EIF2AK2: variants seen among roughly 807,000 people sequenced by gnomAD.
The protein encoded by EIF2AK2 is interferon-induced, double-stranded RNA-activated protein kinase.
EIF2AK2 carries 40 observed loss-of-function variants against 70.5 expected under a neutral mutation model. The ratio of observed to expected loss-of-function variants is 0.57; its 90% CI spans 0.44 to 0.74. The LOEUF is 0.74. Ranked by LOEUF, EIF2AK2 falls within the 30% of genes least tolerant of loss-of-function variation. The pLI, the probability that EIF2AK2 is intolerant of heterozygous loss-of-function variation, is 0.00. For synonymous variants in EIF2AK2, 198 were observed against 220.9 expected, an observed-to-expected ratio of 0.90 and a Z score of 0.92; for missense variants, 555 against 644.3, an observed-to-expected ratio of 0.86 and a Z score of 1.50.
At chr2:37,147,621 T>C (rs1675600571) in intron 3 of EIF2AK2, 67 bp downstream of exon 3, 6 of 1,048,286 alleles carry the variant, frequency 5.7e-6, no homozygotes, top group Non-Finnish European at 8.6e-6. Context: ...GCTTCATCCA[T>C]GTCCCTACAA....
At chr2:37,149,180 T>A in intron 1 of EIF2AK2, 157 bp from the exon 2 acceptor site, 1 of 1,070,520 alleles carries the variant, frequency 9.3e-7, no homozygotes, top group East Asian at 2.4e-5. Flanking sequence ...AGGATGTTTC[T>A]ATGCTTGTCG....
At position 37,106,003 on chromosome 2, in the gene EIF2AK2, A is replaced by T. The variant is rs965768539; in HGVS notation, c.*1270T>A. 7 of 152,224 alleles carry T rather than the reference A, an allele frequency of 4.6e-5. No homozygotes were observed. Among genetic ancestry groups the T allele is most frequent in the Admixed American group, 3.3e-4 (5 of 15,286 alleles). 9.4% of individuals were successfully genotyped at this position (152,224 alleles called of 1,614,324 possible). On this transcript the variant is annotated 3_prime_UTR_variant, in exon 17 of 17. Transcript: ENST00000233057. The stretch of plus-strand genomic sequence containing the variant: ...AATAGATACAAAATGTATTTAAGAT[A>T]AAAGGTATAACTATGCAGCAAACAC...
intron 13 of EIF2AK2, among the ~76,000 whole-genome samples, chr2:37,119,705 C>T (rs1674468519): frequency 6.6e-6 from 1 of 151,498 alleles, no homozygotes; most frequent in Admixed American, 6.6e-5. Context: ...GAATCTCCTG[C>T]CTCAGCCTCC....
At chr2:37,138,236 G>T in intron 8 of EIF2AK2, 34 bp downstream of exon 8, 1 of 1,500,676 alleles carries the variant, frequency 6.7e-7, no homozygotes, top group Non-Finnish European at 9.1e-7. Flanking sequence ...AGAAAAATAA[G>T]ATTAAGTAGG....
At chr2:37,115,232 T>TTG (rs1553335490) in intron 13 of EIF2AK2, 4 of 201,838 alleles carry the variant, frequency 2.0e-5, no homozygotes, top group Non-Finnish European at 3.8e-5. Flanking sequence ...TTTTTTTTTT[T>TTG]TTTTTTTTTT....
At chr2:37,114,689 A>G (rs755331311) in intron 14 of EIF2AK2, 42 bp downstream of exon 14, 1 of 1,467,906 alleles carries the variant, frequency 6.8e-7, no homozygotes, top group South Asian at 1.5e-5. Flanking sequence ...AATTTTCAAA[A>G]TAAAAGAAGT....
Position 37,101,861 on chromosome 2 carries a change from CAA to C in EIF2AK2, c.*5410_*5411del, listed in dbSNP as rs1558402095. 1 of 152,056 alleles carries C rather than the reference CAA, an allele frequency of 6.6e-6. No homozygotes were observed. The highest frequency in any genetic ancestry group is 2.4e-5 in the African/African-American group (1 of 41,386). The allele number at this position is 152,056 out of a possible 1,614,324, so 9.4% of individuals were successfully genotyped here. On this transcript the variant is annotated 3_prime_UTR_variant, in exon 17 of 17. Transcript: ENST00000233057. Reference sequence around the variant, plus strand: ...AATCTTGTCAATTTTTTGAGTGTGACAATGATGCTGTGGTTTTGTTAAAAAGA... The same window carrying C: ...AATCTTGTCAATTTTTTGAGTGTGACTGATGCTGTGGTTTTGTTAAAAAGA...
chr2:37,109,127 C>CA, intron 15 of EIF2AK2, 67 bp downstream of exon 15: 1 of 1,426,994 alleles, frequency 7.0e-7, no homozygotes, highest in Non-Finnish European at 9.8e-7. Flanking sequence ...GAACTGTCTG[C>CA]AGCAGCACTC....
chr2:37,156,364 A>T (rs748795460), intron 1 of EIF2AK2, among the ~76,000 whole-genome samples: 2 of 152,114 alleles, frequency 1.3e-5, no homozygotes, highest in Non-Finnish European at 2.9e-5. Flanking sequence ...TACTTAAAGG[A>T]ACATTCCAGA....
At chr2:37,143,243 A>G in intron 4 of EIF2AK2, among the ~76,000 whole-genome samples, 1 of 148,880 alleles carries the variant, frequency 6.7e-6, no homozygotes, top group East Asian at 2.0e-4. Flanking sequence ...AAAAAAAAGA[A>G]TCAATGTTGG....
intron 1 of EIF2AK2, 72 bp from the exon 2 acceptor site, chr2:37,149,095 A>G (rs1675655484): frequency 1.1e-6 from 1 of 899,658 alleles, no homozygotes; most frequent in Non-Finnish European, 1.9e-6. Flanking sequence ...ATACCAGCGA[A>G]GACTAAGGTC....
At position 37,107,489 on chromosome 2, in the gene EIF2AK2, T is replaced by C. The variant is rs775505250; in HGVS notation, c.1518A>G (p.Ile506Met). The change falls in exon 16 of 17, where the codon ATA becomes ATG. Residue 506 changes from isoleucine to methionine, a missense_variant. Ile to Met is a conservative substitution (Grantham distance 10, BLOSUM62 1). Transcript: ENST00000233057. The part of the protein sequence containing the change: ...TDLRDGIISD[I>M]FDKKEKTLLQ... ...AAGTGCTTACTTCTTTTTTATCAAA[T>C]ATATCTGAGATGATGCCATCCCGTA... 6.2e-7 allele frequency: 1 copy of C among 1,612,598 alleles called. No homozygotes were observed. The highest frequency in any genetic ancestry group is 1.1e-5 in the South Asian group (1 of 90,726).
At chr2:37,128,812 A>G (rs1480840733) in intron 10 of EIF2AK2, among the ~76,000 whole-genome samples, 1 of 152,188 alleles carries the variant, frequency 6.6e-6, no homozygotes, top group Non-Finnish European at 1.5e-5. Context: ...GGACTTGCCA[A>G]CAGGGAGACA....
chr2:37,138,966 T>A (rs947743643), intron 6 of EIF2AK2, among the ~76,000 whole-genome samples: 3 of 151,604 alleles, frequency 2.0e-5, no homozygotes, highest in African/African-American at 7.3e-5. Context: ...CGTCTAATTT[T>A]TTTTTTTTTT....
At chr2:37,127,685 T>A (rs781434026) in intron 10 of EIF2AK2, among the ~76,000 whole-genome samples, 1 of 151,452 alleles carries the variant, frequency 6.6e-6, no homozygotes, top group Non-Finnish European at 1.5e-5. Context: ...CCTGCTTCCA[T>A]TTCTCTCCAT....
intron 10 of EIF2AK2, among the ~76,000 whole-genome samples, chr2:37,130,170 TG>T: frequency 6.6e-6 from 1 of 152,150 alleles, no homozygotes; most frequent in Non-Finnish European, 1.5e-5. Context: ...GGCGCAATCT[TG>T]GCTCACTGCA....
chr2:37,151,087 C>G (rs1675724798), intron 1 of EIF2AK2, among the ~76,000 whole-genome samples: 1 of 152,012 alleles, frequency 6.6e-6, no homozygotes, highest in African/African-American at 2.4e-5. Flanking sequence ...CAAAAGAAAA[C>G]AGAGATAAAT....
intron 1 of EIF2AK2, chr2:37,149,272 G>C (rs1251671889): frequency 1.9e-6 from 2 of 1,054,206 alleles, no homozygotes; most frequent in African/African-American, 3.1e-5. Flanking sequence ...AATTGAAGGA[G>C]GAGAAATAAT....
At chr2:37,137,761 G>C (rs1675177544) in intron 8 of EIF2AK2, among the ~76,000 whole-genome samples, 1 of 152,112 alleles carries the variant, frequency 6.6e-6, no homozygotes, top group Non-Finnish European at 1.5e-5. Context: ...GATGAGTGAG[G>C]AAAGACAGAA....
Sources: allele counts gnomAD v4.1 joint callset (sites outside exome capture counted in the v4.1 genomes callset), GRCh38; gene constraint gnomAD v4.1.1; transcripts MANE v1.5; gene names NCBI Gene and HGNC (gene_info 2026-07-23, HGNC 2026-07-21).